PRAG1: variants seen among roughly 807,000 people sequenced by gnomAD.
The protein encoded by PRAG1 is inactive tyrosine-protein kinase PRAG1.
In PRAG1, 110 loss-of-function variants were observed where a neutral mutation model predicts 95.6. The ratio of observed to expected loss-of-function variants is 1.15; its 90% CI spans 0.99 to 1.35. PRAG1 has a LOEUF of 1.35. Ranked by LOEUF, PRAG1 falls within the 40% of genes most tolerant of loss-of-function variation. The pLI is 0.00. For missense variants in PRAG1, 2,554 were observed against 1,864.7 expected (o/e 1.37, Z -6.81); for synonymous variants, 1,052 against 819.4 (o/e 1.28, Z -4.85).
chr8:8,378,730 G>A (rs1399065137), intron 2 of PRAG1, among the ~76,000 whole-genome samples: 1 of 152,002 alleles, frequency 6.6e-6, no homozygotes, highest in Non-Finnish European at 1.5e-5. Context: ...GCGTGGTGGT[G>A]TGTACCTACA....
At chr8:8,330,777 G>T (rs767075483) in intron 4 of PRAG1, among the ~76,000 whole-genome samples, 1 of 152,160 alleles carries the variant, frequency 6.6e-6, no homozygotes, top group Non-Finnish European at 1.5e-5. Context: ...GGGGACAGAC[G>T]GAGGCTAGGG....
chr8:8,376,302 T>C lies in PRAG1; in HGVS notation c.2107A>G (p.Lys703Glu). Residue 703 changes from lysine to glutamate, a missense_variant, in exon 3 of 6, where the codon AAG becomes GAG. Coordinates refer to ENST00000615670, the MANE Select transcript of PRAG1 (RefSeq NM_001080826.3). ...AATGTCTCAATCCCACTTCTGTCCT[T>C]GGGGAACTCAAAGGCAAAAGAGGCG... ...KSASFAFEFPKDRSGIETFSP... is the reference protein window; with the variant it reads ...KSASFAFEFPEDRSGIETFSP... 6.2e-7 allele frequency: 1 copy of C among 1,614,134 alleles called. No individual in the cohort carries two copies. Among genetic ancestry groups the C allele is most frequent in the Non-Finnish European group, 8.5e-7 (1 of 1,180,026 alleles).
chr8:8,342,382 G>T (rs966963573), intron 3 of PRAG1, among the ~76,000 whole-genome samples: 1 of 151,766 alleles, frequency 6.6e-6, no homozygotes, highest in Non-Finnish European at 1.5e-5. Context: ...ATTTTTAGTA[G>T]AGACGGGGTT....
At chr8:8,343,134 C>T (rs1204474846) in intron 3 of PRAG1, among the ~76,000 whole-genome samples, 1 of 152,098 alleles carries the variant, frequency 6.6e-6, no homozygotes, top group South Asian at 2.1e-4. Flanking sequence ...AAAGGCCACT[C>T]AACACATGAA....
intron 4 of PRAG1, among the ~76,000 whole-genome samples, chr8:8,329,351 C>T (rs745609714): frequency 1.3e-5 from 2 of 151,852 alleles, no homozygotes; most frequent in Non-Finnish European, 2.9e-5. Context: ...CAAGATTGCG[C>T]CACTACACTC....
chr8:8,374,419 C>T (rs1442685079), intron 3 of PRAG1, among the ~76,000 whole-genome samples: 2 of 152,198 alleles, frequency 1.3e-5, no homozygotes, highest in African/African-American at 4.8e-5. Context: ...AATTTCCATG[C>T]TCCTTGATGT....
At chr8:8,378,803 G>C (rs1031083945) in intron 2 of PRAG1, among the ~76,000 whole-genome samples, 4 of 151,850 alleles carry the variant, frequency 2.6e-5, no homozygotes, top group African/African-American at 9.7e-5. Context: ...GGAGGTTGCA[G>C]TGACCCAAAT....
At chr8:8,323,474 C>T (rs1484565329) in intron 5 of PRAG1, among the ~76,000 whole-genome samples, 3 of 152,094 alleles carry the variant, frequency 2.0e-5, no homozygotes, top group Non-Finnish European at 4.4e-5. Context: ...CCTACCACCA[C>T]ACCTGACTAA....
At chr8:8,332,478 T>C (rs1295213485) in intron 4 of PRAG1, among the ~76,000 whole-genome samples, 1 of 152,130 alleles carries the variant, frequency 6.6e-6, no homozygotes, top group Non-Finnish European at 1.5e-5. Flanking sequence ...ATGATTTTTG[T>C]ATTCAGAAAA....
rs557157220 is a variant in PRAG1, at chr8:8,377,548, C to T, written c.861G>A (p.Thr287=). 74 of 1,600,034 alleles carry T rather than the reference C, an allele frequency of 4.6e-5. 1 individual carries two copies. The Middle Eastern group carries it at 2.5e-3, about 54-fold the overall frequency. Residue 287 remains threonine (T), a synonymous_variant, in exon 3 of 6, where the codon ACG becomes ACA. Transcript: ENST00000615670. ...CGGAACACTTCCCCTGCTCCCAGCA[C>T]GTGGGTGAGCAGTCCCTGCCACCAT... ...GRHGGRDCSP[T]CWEQGKCSGP...
chr8:8,327,028 C>T (rs1388851983), intron 5 of PRAG1, among the ~76,000 whole-genome samples: 1 of 152,198 alleles, frequency 6.6e-6, no homozygotes, highest in African/African-American at 2.4e-5. Flanking sequence ...TCCCTCACTA[C>T]ATCATAGCTC....
At chr8:8,362,272 C>T (rs1367669162) in intron 3 of PRAG1, among the ~76,000 whole-genome samples, 5 of 152,232 alleles carry the variant, frequency 3.3e-5, no homozygotes, top group African/African-American at 1.2e-4. Context: ...CTCCGTCCAG[C>T]AGGACTTGTC....
intron 3 of PRAG1, among the ~76,000 whole-genome samples, chr8:8,359,423 GT>G (rs1280685935): frequency 6.6e-6 from 1 of 152,196 alleles, no homozygotes; most frequent in Non-Finnish European, 1.5e-5. Context: ...TGAGGCTACA[GT>G]TTCTTTCTAT....
chr8:8,351,513 C>A (rs1028109451), intron 3 of PRAG1, among the ~76,000 whole-genome samples: 1 of 152,268 alleles, frequency 6.6e-6, no homozygotes. Flanking sequence ...CTTACTACAA[C>A]ATTTAAAAGA....
At chr8:8,358,116 T>C (rs1473249367) in intron 3 of PRAG1, among the ~76,000 whole-genome samples, 1 of 152,224 alleles carries the variant, frequency 6.6e-6, no homozygotes, top group Non-Finnish European at 1.5e-5. Context: ...GATCAATCAA[T>C]TATAAATTGG....
chr8:8,376,129 C>A, intron 3 of PRAG1, 118 bp downstream of exon 3: 3 of 1,390,134 alleles, frequency 2.2e-6, no homozygotes, highest in Non-Finnish European at 1.9e-6. Context: ...CATAAAGGCA[C>A]AAGGGCCTTT....
chr8:8,368,416 G>C (rs75375015), intron 3 of PRAG1, among the ~76,000 whole-genome samples: 2 of 152,212 alleles, frequency 1.3e-5, no homozygotes, highest in Non-Finnish European at 2.9e-5. Flanking sequence ...CTGCCCAAAA[G>C]TCAATAGAAA....
At position 8,318,462 on chromosome 8, in the gene PRAG1, G is replaced by A; in HGVS notation, c.3913C>T (p.His1305Tyr). 1.2e-6 allele frequency: 2 copies of A among 1,612,336 alleles called. No homozygotes were observed. The highest frequency in any genetic ancestry group is 1.7e-6 in the Non-Finnish European group (2 of 1,179,814). ...ATGGGGTCGGCCTCCAGTAGCAGAT[G>A]TGCCAGCTGCTGCAGGCCGGGTGAG... ...LYSPGLQQLA[H>Y]LLLEADPIKR... The change falls in exon 6 of 6, where the codon CAT becomes TAT. Residue 1305 changes from histidine to tyrosine, a missense_variant. Coordinates refer to ENST00000615670, the MANE Select transcript of PRAG1 (RefSeq NM_001080826.3). This position sits in a 1 kb window ranked among gnomAD's most constrained non-coding sequence, Gnocchi z 4.2.
At chr8:8,332,070 T>G (rs2945905) in intron 4 of PRAG1, among the ~76,000 whole-genome samples, 43,632 of 151,898 alleles carry the variant, frequency 0.29, 8,043 homozygotes, top group African/African-American at 0.52. Context: ...AGAAGTAAAG[T>G]CCTGTAGCTA....
Sources: allele counts gnomAD v4.1 joint callset (sites outside exome capture counted in the v4.1 genomes callset), GRCh38; gene constraint gnomAD v4.1.1; non-coding constraint Gnocchi (gnomAD v3.1); transcripts MANE v1.5; gene names NCBI Gene and HGNC (gene_info 2026-07-23, HGNC 2026-07-21).